Variants in KANSL2 observed in about 807,000 individuals in gnomAD.
KANSL2 encodes the protein KAT8 regulatory NSL complex subunit 2, also known as NSL complex protein NSL2.
KANSL2 carries 34 observed loss-of-function variants against 55.6 expected under a neutral mutation model. The ratio of observed to expected loss-of-function variants is 0.61; its 90% CI spans 0.46 to 0.81. The LOEUF is 0.81. KANSL2 is among the 40% of genes least tolerant of loss of function. KANSL2 has a pLI of 0.00. For missense variants in KANSL2, 502 were observed against 609.9 expected, an observed-to-expected ratio of 0.82 and a Z score of 1.86; for synonymous variants, 209 against 214.3, an observed-to-expected ratio of 0.98 and a Z score of 0.22.
Position 48,681,912 on chromosome 12 carries a change from A to C in KANSL2, c.-9-271T>G, listed in dbSNP as rs766986264. 7.8e-5 allele frequency: 55 copies of C among 703,406 alleles called. No individual in the cohort carries two copies. The Admixed American group carries it at 8.8e-4, about 11-fold the overall frequency. The allele number at this position is 703,406 out of a possible 1,614,324, so 43.6% of individuals were successfully genotyped here. ...AGCTGCAGCACGAAGGGAAGCGACA[A>C]CACCAGCCCCACGCGGCGGCCACGC... On this transcript the variant is annotated intron_variant, in intron 1 of 9. Coordinates refer to ENST00000420613, the MANE Select transcript of KANSL2 (RefSeq NM_017822.4).
At chr12:48,660,910 G>A (rs1334654021) in intron 7 of KANSL2, among the ~76,000 whole-genome samples, 2 of 152,136 alleles carry the variant, frequency 1.3e-5, no homozygotes, top group African/African-American at 4.8e-5. Context: ...CCTTAAGCAA[G>A]TAGCAGTAAC....
Position 48,653,964 on chromosome 12 carries a change from T to C in KANSL2, c.*80A>G. 3 of 1,419,120 alleles carry C rather than the reference T, an allele frequency of 2.1e-6. No individual in the cohort carries two copies. In the South Asian group the frequency reaches 4.4e-5, roughly 21 times the overall value. 87.9% of individuals were successfully genotyped at this position (1,419,120 alleles called of 1,614,324 possible). A position where few individuals can be genotyped will look rare whatever the true frequency, so the allele number is the denominator to read the frequency against. ...AACAAGGTAGTCTGGGTTGCCTGTG[T>C]TTTGTGAGAGATGATCAGAAATACT... On this transcript the variant is annotated 3_prime_UTR_variant, in exon 10 of 10. Coordinates refer to ENST00000420613, the MANE Select transcript of KANSL2 (RefSeq NM_017822.4).
chr12:48,677,531 C>CA (rs1437923506), intron 4 of KANSL2, among the ~76,000 whole-genome samples: 2 of 152,032 alleles, frequency 1.3e-5, no homozygotes, highest in Non-Finnish European at 2.9e-5. Context: ...CCTGTAATCC[C>CA]AGCACTTTGG....
At chr12:48,672,422 TA>T (rs1220472246) in intron 4 of KANSL2, among the ~76,000 whole-genome samples, 4 of 112,994 alleles carry the variant, frequency 3.5e-5, no homozygotes, top group African/African-American at 1.4e-4. Flanking sequence ...TATATATATA[TA>T]TATATATATA....
intron 8 of KANSL2, among the ~76,000 whole-genome samples, chr12:48,659,029 C>T (rs954343602): frequency 1.3e-5 from 2 of 152,176 alleles, no homozygotes; most frequent in Non-Finnish European, 2.9e-5. Flanking sequence ...AATGGTGAAT[C>T]ATGCCTATAA....
chr12:48,681,138 A>AAG, intron 2 of KANSL2: 1 of 314,912 alleles, frequency 3.2e-6, no homozygotes, highest in Non-Finnish European at 5.8e-6. Context: ...AAAAAAAAAA[A>AAG]AAAGACTAAT....
At chr12:48,662,621 G>A in intron 7 of KANSL2, 2 of 1,287,994 alleles carry the variant, frequency 1.6e-6, no homozygotes, top group Non-Finnish European at 1.0e-6. Context: ...ACAGTAAAGA[G>A]TTAACAGGTC....
chr12:48,663,338 T>G (rs1939522926), intron 7 of KANSL2, among the ~76,000 whole-genome samples: 4 of 152,238 alleles, frequency 2.6e-5, no homozygotes, highest in Admixed American at 2.6e-4. Flanking sequence ...TTCACCATAC[T>G]CTCACCTACT....
Position 48,669,177 on chromosome 12 carries a change from C to T in KANSL2, c.805G>A (p.Gly269Arg). The T allele has an allele frequency of 6.4e-7, 1 of 1,553,230 alleles. No homozygotes were observed. Among genetic ancestry groups the T allele is most frequent in the Non-Finnish European group, 8.7e-7 (1 of 1,147,670 alleles). ...KCLRRYRQRY[G>R]VEALLHRQLK... ...TGCCTATGCAGTAAGGCTTCCACTC[C>T]ATAGCGCTGGCGGTATCGTCGCAGA... The change falls in exon 6 of 10, where the codon GGA becomes AGA. Residue 269 changes from glycine (G) to arginine (R), a missense_variant. By Grantham distance (125) the Gly-to-Arg change is moderately radical (BLOSUM62 -2). Transcript: ENST00000420613.
chr12:48,667,934 A>G, intron 6 of KANSL2, 145 bp from the exon 7 acceptor site: 1 of 622,242 alleles, frequency 1.6e-6, no homozygotes, highest in East Asian at 2.9e-5. Flanking sequence ...TATGCAAAAG[A>G]CAAAAAACTT....
At chr12:48,679,178 T>TAA in intron 3 of KANSL2, 28 bp from the exon 4 acceptor site, 1 of 1,464,446 alleles carries the variant, frequency 6.8e-7, no homozygotes, top group South Asian at 1.1e-5. Context: ...GAGCAGCCAT[T>TAA]AAGACTTCCC....
At chr12:48,664,716 G>T (rs1173293653) in intron 7 of KANSL2, among the ~76,000 whole-genome samples, 1 of 150,566 alleles carries the variant, frequency 6.6e-6, no homozygotes, top group Non-Finnish European at 1.5e-5. Flanking sequence ...AAGTAGCAAG[G>T]ATTACAGGAA....
intron 5 of KANSL2, 117 bp downstream of exon 5, chr12:48,671,682 G>C (rs1208714355): frequency 8.9e-7 from 1 of 1,118,724 alleles, no homozygotes; most frequent in South Asian, 1.5e-5. Flanking sequence ...CATGAAGTTT[G>C]AATGACAAAA....
rs1191647715 is a variant in KANSL2 at position 48,664,878 on chromosome 12, G to A, written c.973+2815C>T. 5.0e-5 allele frequency among the ~76,000 whole-genome samples: 5 copies of A among 100,556 alleles called. No homozygotes were observed. The East Asian group carries it at 6.3e-4, about 13-fold the overall frequency. The allele number at this position is 100,556 out of a possible 152,430, so 66.0% of individuals were successfully genotyped here. ...ATTACAGGTGTGAGCCACTGCGCCC[G>A]CTTTTTTTTTTTTTTTTTTTTTTTT... On this transcript the variant is annotated intron_variant, in intron 7 of 9. Coordinates refer to ENST00000420613, the MANE Select transcript of KANSL2 (RefSeq NM_017822.4).
At chr12:48,654,792 G>A (rs1224652109) in intron 9 of KANSL2, 149 bp downstream of exon 9, 2 of 783,494 alleles carry the variant, frequency 2.6e-6, no homozygotes, top group South Asian at 1.9e-5. Context: ...TTGCTTATAT[G>A]GTATTCAATA....
intron 7 of KANSL2, among the ~76,000 whole-genome samples, chr12:48,661,468 T>C (rs548493387): frequency 6.6e-6 from 1 of 152,328 alleles, no homozygotes; most frequent in Admixed American, 6.5e-5. Context: ...AGTGCTACCA[T>C]TTCTTGAAAT....
chr12:48,661,195 CT>C (rs34469425), intron 7 of KANSL2: 250,760 of 831,704 alleles, frequency 0.3, 30,811 homozygotes, highest in East Asian at 0.6. Flanking sequence ...ATATACATGC[CT>C]TTTTTTTTTA....
intron 8 of KANSL2, among the ~76,000 whole-genome samples, chr12:48,658,480 C>T (rs565386987): frequency 2.6e-5 from 4 of 152,212 alleles, no homozygotes; most frequent in South Asian, 2.1e-4. Flanking sequence ...TTCAGCTGGG[C>T]GCGATGTCTC....
rs1328552146 is a variant in KANSL2 at position 48,660,485 on chromosome 12, T to A, written c.1108A>T (p.Met370Leu). Residue 370 changes from methionine to leucine, a missense_variant, in exon 8 of 10, where the codon ATG becomes TTG. Physicochemically the swap from Met to Leu is conservative, Grantham distance 15. Coordinates refer to ENST00000420613, the MANE Select transcript of KANSL2 (RefSeq NM_017822.4). ...GACAGTACCTGCTCGGGCTTATACA[T>A]CTGAGGAGGCAACTGGAAATGCAGT... ...CPLHFQLPPQ[M>L]YKPEQVLSVP... 1 of 1,613,828 alleles carries A rather than the reference T, an allele frequency of 6.2e-7. No individual in the cohort carries two copies. Among genetic ancestry groups the A allele is most frequent in the Non-Finnish European group, 8.5e-7 (1 of 1,179,834 alleles).
Sources: allele counts gnomAD v4.1 joint callset (sites outside exome capture counted in the v4.1 genomes callset), GRCh38; gene constraint gnomAD v4.1.1; transcripts MANE v1.5; gene names NCBI Gene and HGNC (gene_info 2026-07-23, HGNC 2026-07-21).